The following MIPOL1 variants were observed in gnomAD, a reference collection of about 807,000 sequenced individuals.
MIPOL1 encodes the protein mirror-image polydactyly 1, also known as mirror-image polydactyly gene 1 protein.
MIPOL1 carries 57 observed loss-of-function variants against 60.9 expected under a neutral mutation model. The ratio of observed to expected loss-of-function variants is 0.94; its 90% CI spans 0.76 to 1.17. MIPOL1 has a LOEUF of 1.17. Ranked by LOEUF, MIPOL1 falls within the 50% of genes most tolerant of loss-of-function variation. The probability of loss-of-function intolerance (pLI) is 0.00; values close to 1 mark genes in which losing one functional copy is unlikely to be tolerated. For missense variants in MIPOL1, 551 were observed against 511.6 expected, an observed-to-expected ratio of 1.08 and a Z score of -0.74; for synonymous variants, 179 against 168.8, an observed-to-expected ratio of 1.06 and a Z score of -0.47.
chr14:37,539,950 C>G (rs988953880), intron 12 of MIPOL1, among the ~76,000 whole-genome samples: 3 of 152,166 alleles, frequency 2.0e-5, no homozygotes, highest in Admixed American at 2.0e-4. Context: ...TTCCTGTTCT[C>G]ATGAGATCAG....
At chr14:37,438,433 CAG>C (rs564329157) in intron 11 of MIPOL1, among the ~76,000 whole-genome samples, 207 of 152,120 alleles carry the variant, frequency 1.4e-3, no homozygotes, top group African/African-American at 4.9e-3. Context: ...AAAACTGAAA[CAG>C]AGAGAAAACT....
At chr14:37,204,947 C>A (rs1371580767) in intron 1 of MIPOL1, among the ~76,000 whole-genome samples, 1 of 152,042 alleles carries the variant, frequency 6.6e-6, no homozygotes, top group East Asian at 1.9e-4. Context: ...GTGATATGGA[C>A]AATAAAATCT....
intron 1 of MIPOL1, among the ~76,000 whole-genome samples, chr14:37,237,969 T>C (rs570233938): frequency 1.3e-5 from 2 of 152,186 alleles, no homozygotes; most frequent in Admixed American, 6.5e-5. Context: ...AATTTTGAAA[T>C]TTTTTTCTTC....
chr14:37,344,398 A>G (rs1370212702), intron 9 of MIPOL1, among the ~76,000 whole-genome samples: 1 of 151,802 alleles, frequency 6.6e-6, no homozygotes, highest in Non-Finnish European at 1.5e-5. Context: ...ATCATTTAAT[A>G]TGTTCCTTTG....
intron 9 of MIPOL1, among the ~76,000 whole-genome samples, chr14:37,327,044 CAA>C (rs910429251): frequency 1.5e-4 from 23 of 152,132 alleles, no homozygotes; most frequent in Admixed American, 1.2e-3. Context: ...TGAACTCAGA[CAA>C]GAGTAATAAC....
intron 9 of MIPOL1, among the ~76,000 whole-genome samples, chr14:37,345,006 G>T (rs1225252067): frequency 1.1e-5 from 1 of 93,010 alleles, no homozygotes; most frequent in Non-Finnish European, 2.3e-5. Flanking sequence ...GATAGAGGGA[G>T]ACTCTTATCA....
intron 6 of MIPOL1, among the ~76,000 whole-genome samples, chr14:37,273,478 T>A (rs571320490): frequency 6.6e-6 from 1 of 151,280 alleles, no homozygotes; most frequent in Admixed American, 6.6e-5. Context: ...AGTTTTGCCA[T>A]TTTTTACCCA....
chr14:37,379,989 G>A (rs1260216421), intron 10 of MIPOL1, among the ~76,000 whole-genome samples: 1 of 152,016 alleles, frequency 6.6e-6, no homozygotes, highest in East Asian at 1.9e-4. Flanking sequence ...GAGCTATATG[G>A]CCTGGTTTGA....
chr14:37,418,605 T>C (rs1055649276), intron 10 of MIPOL1, among the ~76,000 whole-genome samples: 3 of 152,128 alleles, frequency 2.0e-5, no homozygotes, highest in Non-Finnish European at 2.9e-5. Flanking sequence ...AAAGAAAATA[T>C]GTATTTTGGA....
At chr14:37,500,768 G>A (rs558135307) in intron 12 of MIPOL1, among the ~76,000 whole-genome samples, 12 of 152,226 alleles carry the variant, frequency 7.9e-5, no homozygotes, top group Admixed American at 3.3e-4. Flanking sequence ...TAATTTAATG[G>A]ACTTGAACAT....
chr14:37,317,451 G>C (rs1404003996), intron 9 of MIPOL1, among the ~76,000 whole-genome samples: 1 of 152,150 alleles, frequency 6.6e-6, no homozygotes, highest in African/African-American at 2.4e-5. Context: ...GGTGTGAGTA[G>C]TGTGGTGTAG....
chr14:37,288,648 A>T (rs1381951792), intron 7 of MIPOL1, among the ~76,000 whole-genome samples: 1 of 152,058 alleles, frequency 6.6e-6, no homozygotes, highest in African/African-American at 2.4e-5. Flanking sequence ...TACAAAAAAA[A>T]TTATTTAAAA....
At chr14:37,305,547 C>G (rs918936665) in intron 7 of MIPOL1, among the ~76,000 whole-genome samples, 2 of 151,524 alleles carry the variant, frequency 1.3e-5, no homozygotes, top group Admixed American at 1.3e-4. Context: ...TGCAGAAAAA[C>G]TTGGCTGATC....
chr14:37,247,568 A>G (rs1973378921), intron 2 of MIPOL1, among the ~76,000 whole-genome samples: 1 of 152,130 alleles, frequency 6.6e-6, no homozygotes, highest in Non-Finnish European at 1.5e-5. Flanking sequence ...AAATAAATTA[A>G]ATGGTTCTCT....
chr14:37,304,722 C>G (rs574823540), intron 7 of MIPOL1, among the ~76,000 whole-genome samples: 1 of 151,686 alleles, frequency 6.6e-6, no homozygotes, highest in African/African-American at 2.4e-5. Flanking sequence ...TCAAGAAATG[C>G]GACATTTCAC....
At chr14:37,307,555 T>C (rs1222980146) in intron 7 of MIPOL1, among the ~76,000 whole-genome samples, 2 of 152,058 alleles carry the variant, frequency 1.3e-5, no homozygotes, top group Non-Finnish European at 2.9e-5. Flanking sequence ...TATGCATTTG[T>C]TTCATAATAA....
At chr14:37,216,062 C>CAAAAAAAAAAAA (rs71449980) in intron 1 of MIPOL1, among the ~76,000 whole-genome samples, 4 of 85,782 alleles carry the variant, frequency 4.7e-5, no homozygotes, top group Non-Finnish European at 9.3e-5. Flanking sequence ...ACCTCCATCT[C>CAAAAAAAAAAAA]AAAAAAAAAA....
intron 6 of MIPOL1, among the ~76,000 whole-genome samples, chr14:37,284,192 G>T (rs2084359309): frequency 6.6e-6 from 1 of 152,136 alleles, no homozygotes; most frequent in South Asian, 2.1e-4. Context: ...GCTCTGTGCA[G>T]ATGTGCACTA....
At chr14:37,325,425 T>G (rs1221983452) in intron 9 of MIPOL1, among the ~76,000 whole-genome samples, 2 of 152,148 alleles carry the variant, frequency 1.3e-5, no homozygotes, top group African/African-American at 4.8e-5. Flanking sequence ...AATTTCAATT[T>G]TGTTATTTTT....
Sources: allele counts gnomAD v4.1 joint callset (sites outside exome capture counted in the v4.1 genomes callset), GRCh38; gene constraint gnomAD v4.1.1; transcripts MANE v1.5; gene names NCBI Gene and HGNC (gene_info 2026-07-23, HGNC 2026-07-21).